Variants in GRM1 observed in about 807,000 individuals in gnomAD.
GRM1 encodes the protein metabotropic glutamate receptor 1.
A neutral mutation model predicts 90.9 loss-of-function variants in GRM1; 33 were observed. That is an observed-to-expected ratio of 0.36 (90% CI 0.28 to 0.49). GRM1 has a LOEUF of 0.49. GRM1 is among the 20% of genes least tolerant of loss of function. The probability of loss-of-function intolerance (pLI) is 0.99; values close to 1 mark genes in which losing one functional copy is unlikely to be tolerated. For synonymous variants in GRM1, 700 were observed against 613.2 expected (o/e 1.14, Z -2.09); for missense variants, 1,190 against 1,534.3 (o/e 0.78, Z 3.75).
chr6:146,298,037 A>C (rs954312264), intron 2 of GRM1, among the ~76,000 whole-genome samples: 1 of 152,134 alleles, frequency 6.6e-6, no homozygotes, highest in Non-Finnish European at 1.5e-5. Context: ...CATTGCAATG[A>C]CACTGCAACC....
chr6:146,129,325 A>C (rs527908264), intron 1 of GRM1, among the ~76,000 whole-genome samples: 1 of 152,320 alleles, frequency 6.6e-6, no homozygotes, highest in Admixed American at 6.5e-5. Context: ...GGCACTTACT[A>C]TCTAGGATAT....
At chr6:146,100,444 C>T (rs1210783898) in intron 1 of GRM1, among the ~76,000 whole-genome samples, 4 of 152,128 alleles carry the variant, frequency 2.6e-5, no homozygotes, top group Non-Finnish European at 5.9e-5. Flanking sequence ...CCTTTCCACT[C>T]TGGTTTTTAA....
chr6:146,028,420 A>C (rs914848895), upstream of GRM1, among the ~76,000 whole-genome samples: 1 of 152,040 alleles, frequency 6.6e-6, no homozygotes, highest in Non-Finnish European at 1.5e-5. Flanking sequence ...TGAAGGCGGC[A>C]GGGCTCAGGC....
intron 1 of GRM1, among the ~76,000 whole-genome samples, chr6:146,038,766 G>T (rs1790985654): frequency 6.6e-6 from 1 of 151,766 alleles, no homozygotes; most frequent in South Asian, 2.1e-4. Context: ...TCTGTTCTCT[G>T]TGGTGCTATA....
intron 1 of GRM1, among the ~76,000 whole-genome samples, chr6:146,104,193 C>T (rs940775516): frequency 6.6e-6 from 1 of 152,160 alleles, no homozygotes; most frequent in Non-Finnish European, 1.5e-5. Flanking sequence ...GTAATCCCAG[C>T]ACTTTGGGAG....
intron 2 of GRM1, among the ~76,000 whole-genome samples, chr6:146,249,395 T>G (rs2114758282): frequency 6.6e-6 from 1 of 152,210 alleles, no homozygotes; most frequent in African/African-American, 2.4e-5. Flanking sequence ...TGGAACTTGG[T>G]GTCCCGCATC....
chr6:146,292,453 T>A (rs1023313453), intron 2 of GRM1, among the ~76,000 whole-genome samples: 8 of 151,798 alleles, frequency 5.3e-5, no homozygotes, highest in Non-Finnish European at 1.5e-5. Flanking sequence ...CAATTAAAAA[T>A]AGATGAAGGC....
At chr6:146,403,203 T>C (rs1272834575) in intron 7 of GRM1, among the ~76,000 whole-genome samples, 1 of 152,148 alleles carries the variant, frequency 6.6e-6, no homozygotes, top group African/African-American at 2.4e-5. Context: ...ATTATTCAAC[T>C]GAAAAATTCA....
At chr6:146,265,239 T>C (rs1436137056) in intron 2 of GRM1, among the ~76,000 whole-genome samples, 2 of 152,212 alleles carry the variant, frequency 1.3e-5, no homozygotes, top group Admixed American at 6.5e-5. Context: ...TAGTGTAAAA[T>C]GGTATGTTAT....
At chr6:146,247,218 C>T (rs748692567) in intron 2 of GRM1, among the ~76,000 whole-genome samples, 12 of 152,168 alleles carry the variant, frequency 7.9e-5, no homozygotes, top group Admixed American at 2.0e-4. Context: ...TCTCAGTCCT[C>T]ATTCTAAATT....
At chr6:146,372,454 G>C in intron 5 of GRM1, among the ~76,000 whole-genome samples, 1 of 152,086 alleles carries the variant, frequency 6.6e-6, no homozygotes, top group South Asian at 2.1e-4. Flanking sequence ...CTGTGAAGAA[G>C]ATTTCTTACT....
At chr6:146,415,304 T>C (rs1344559410) in intron 7 of GRM1, among the ~76,000 whole-genome samples, 1 of 152,168 alleles carries the variant, frequency 6.6e-6, no homozygotes, top group Non-Finnish European at 1.5e-5. Flanking sequence ...CCTAATTGCC[T>C]CCCAAGTGCC....
intron 7 of GRM1, chr6:146,426,682 T>C: frequency 4.1e-6 from 4 of 970,236 alleles, no homozygotes; most frequent in Non-Finnish European, 6.6e-6. Context: ...GTTTTGCCCC[T>C]TGCTTTCTCT....
chr6:146,407,554 TTTATTCTCA>T (rs1235807039), intron 7 of GRM1, among the ~76,000 whole-genome samples: 1 of 152,186 alleles, frequency 6.6e-6, no homozygotes, highest in East Asian at 1.9e-4. Context: ...AACTTAATAT[TTTATTCTCA>T]TATGTTAATG....
At chr6:146,202,156 A>C (rs1664054221) in intron 2 of GRM1, among the ~76,000 whole-genome samples, 1 of 152,204 alleles carries the variant, frequency 6.6e-6, no homozygotes, top group African/African-American at 2.4e-5. Context: ...ACATATATAA[A>C]CCTGTATGCA....
chr6:146,231,004 G>T (rs915165264), intron 2 of GRM1, among the ~76,000 whole-genome samples: 1 of 152,114 alleles, frequency 6.6e-6, no homozygotes, highest in Admixed American at 6.6e-5. Flanking sequence ...AGGGTTGAAG[G>T]CAGGGAGGGA....
At chr6:146,405,867 A>G (rs1471759891) in intron 7 of GRM1, among the ~76,000 whole-genome samples, 3 of 152,202 alleles carry the variant, frequency 2.0e-5, no homozygotes, top group African/African-American at 7.2e-5. Context: ...TATTCAGTCA[A>G]TAACAGAATG....
At position 146,202,184 on chromosome 6, in the gene GRM1, A is replaced by C. The variant is rs770946263; in HGVS notation, c.950+42587A>C. On this transcript the variant is annotated intron_variant, in intron 2 of 7. Transcript: ENST00000282753. ...TGTATGCACATGCTTCATACACATCAATATATCATGTAGCTATCCCATGCC... is the reference window on the plus strand; with the variant it reads ...TGTATGCACATGCTTCATACACATCCATATATCATGTAGCTATCCCATGCC... 1.8e-4 allele frequency among the ~76,000 whole-genome samples: 28 copies of C among 152,192 alleles called. 1 individual carries two copies. Among genetic ancestry groups the C allele is most frequent in the Non-Finnish European group, 3.4e-4 (23 of 68,032 alleles).
chr6:146,266,330 A>T (rs1583244463), intron 2 of GRM1, among the ~76,000 whole-genome samples: 2 of 152,374 alleles, frequency 1.3e-5, no homozygotes, highest in African/African-American at 4.8e-5. Context: ...TTGAATTATA[A>T]CTTAAATATA....
Sources: allele counts gnomAD v4.1 joint callset (sites outside exome capture counted in the v4.1 genomes callset), GRCh38; gene constraint gnomAD v4.1.1; transcripts MANE v1.5; gene names NCBI Gene and HGNC (gene_info 2026-07-23, HGNC 2026-07-21).